GABBR2: variants seen among roughly 807,000 people sequenced by gnomAD.
The protein encoded by GABBR2 is gamma-aminobutyric acid type B receptor subunit 2, also known as G-protein coupled receptor 51.
In GABBR2, 23 loss-of-function variants were observed where a neutral mutation model predicts 105.6. The ratio of observed to expected loss-of-function variants is 0.22; its 90% CI spans 0.16 to 0.31. The LOEUF (loss-of-function observed/expected upper bound fraction) is 0.31. GABBR2 is among the 10% of genes least tolerant of loss of function. The pLI is 1.00. For synonymous variants in GABBR2, 478 were observed against 499.7 expected, an observed-to-expected ratio of 0.96 and a Z score of 0.58; for missense variants, 734 against 1,245.5, an observed-to-expected ratio of 0.59 and a Z score of 6.18.
intron 1 of GABBR2, among the ~76,000 whole-genome samples, chr9:98,672,204 A>C (rs1275205835): frequency 6.6e-6 from 1 of 151,722 alleles, no homozygotes; most frequent in African/African-American, 2.4e-5. Flanking sequence ...TAAAAAAACA[A>C]CTCCCTATTT....
chr9:98,620,776 C>T (rs1829659057), intron 1 of GABBR2, among the ~76,000 whole-genome samples: 1 of 152,120 alleles, frequency 6.6e-6, no homozygotes, highest in South Asian at 2.1e-4. Flanking sequence ...TATTATTGCT[C>T]CGGTGGAGGG....
intron 11 of GABBR2, among the ~76,000 whole-genome samples, chr9:98,381,672 T>C (rs1159382951): frequency 6.6e-6 from 1 of 152,182 alleles, no homozygotes; most frequent in Non-Finnish European, 1.5e-5. Context: ...GACTCCCCTT[T>C]GTAGAGCTTC....
intron 3 of GABBR2, among the ~76,000 whole-genome samples, chr9:98,525,191 C>CA (rs144064001): frequency 2.0e-5 from 3 of 151,794 alleles, no homozygotes; most frequent in Non-Finnish European, 4.4e-5. Context: ...AACTTTTGTG[C>CA]AAAAAAACAC....
intron 2 of GABBR2, chr9:98,555,997 T>TGGGAGACATGGAGGGGAAA (rs148471461): frequency 0.12 from 18,512 of 151,872 alleles, 1,470 homozygotes; most frequent in Non-Finnish European, 0.17. Flanking sequence ...TCTGTAGCCA[T>TGGGAGACATGGAGGGGAAA]GGGAGACATG....
At chr9:98,655,343 ATCT>A (rs978452337) in intron 1 of GABBR2, among the ~76,000 whole-genome samples, 54 of 152,224 alleles carry the variant, frequency 3.5e-4, no homozygotes, top group African/African-American at 1.7e-4. Flanking sequence ...AGATCTCTGT[ATCT>A]TCTTCTCAAT....
intron 18 of GABBR2, among the ~76,000 whole-genome samples, chr9:98,291,520 G>T (rs1453315137): frequency 6.6e-6 from 1 of 152,080 alleles, no homozygotes; most frequent in Non-Finnish European, 1.5e-5. Flanking sequence ...CTTCTTGCTG[G>T]GCCAATTCCC....
intron 13 of GABBR2, among the ~76,000 whole-genome samples, chr9:98,311,715 G>A (rs1047439183): frequency 3.9e-5 from 6 of 152,220 alleles, no homozygotes; most frequent in Non-Finnish European, 7.3e-5. Context: ...GAGCAGTGAT[G>A]GCAGCCAGGT....
At chr9:98,370,843 C>A (rs369522559) in intron 12 of GABBR2, among the ~76,000 whole-genome samples, 1 of 152,122 alleles carries the variant, frequency 6.6e-6, no homozygotes, top group Non-Finnish European at 1.5e-5. Context: ...CCAAACCGCA[C>A]GGGTGGCGAA....
intron 1 of GABBR2, among the ~76,000 whole-genome samples, chr9:98,644,615 G>T (rs1830007631): frequency 6.6e-6 from 1 of 152,208 alleles, no homozygotes; most frequent in South Asian, 2.1e-4. Context: ...GCTGAGGTGG[G>T]TGGATCACCT....
chr9:98,676,700 A>G (rs1564148830), intron 1 of GABBR2, among the ~76,000 whole-genome samples: 1 of 152,244 alleles, frequency 6.6e-6, no homozygotes, highest in East Asian at 1.9e-4. Context: ...TGGGACAACA[A>G]GAGTTAAGGA....
At chr9:98,591,199 G>A (rs1829140945) in intron 1 of GABBR2, among the ~76,000 whole-genome samples, 1 of 152,218 alleles carries the variant, frequency 6.6e-6, no homozygotes, top group African/African-American at 2.4e-5. Flanking sequence ...AGCCTTGCGA[G>A]AGGAACAAGA....
intron 2 of GABBR2, chr9:98,556,005 A>G (rs1226457468): frequency 3.3e-5 from 5 of 152,488 alleles, no homozygotes; most frequent in Admixed American, 2.6e-4. Flanking sequence ...CATGGGAGAC[A>G]TGGAGGGGAA....
chr9:98,702,685 A>C (rs116708002), intron 1 of GABBR2, among the ~76,000 whole-genome samples: 1 of 152,074 alleles, frequency 6.6e-6, no homozygotes, highest in East Asian at 1.9e-4. Context: ...CTGGTATCCA[A>C]TGTCCATTTC....
At chr9:98,600,537 A>G (rs902756150) in intron 1 of GABBR2, among the ~76,000 whole-genome samples, 18 of 152,260 alleles carry the variant, frequency 1.2e-4, no homozygotes, top group Non-Finnish European at 2.4e-4. Flanking sequence ...TGACTCTGAG[A>G]AACCTGCTTT....
At chr9:98,592,278 TC>T (rs1184817046) in intron 1 of GABBR2, among the ~76,000 whole-genome samples, 1 of 152,204 alleles carries the variant, frequency 6.6e-6, no homozygotes, top group Non-Finnish European at 1.5e-5. Context: ...ATCTCTCAGA[TC>T]CCTTCCAGCC....
At chr9:98,557,132 G>A (rs1329780334) in intron 2 of GABBR2, among the ~76,000 whole-genome samples, 3 of 152,088 alleles carry the variant, frequency 2.0e-5, no homozygotes, top group Non-Finnish European at 4.4e-5. Flanking sequence ...AAGATGAGGA[G>A]ATGAGGGTTA....
At chr9:98,382,213 T>G (rs1426935425) in intron 11 of GABBR2, among the ~76,000 whole-genome samples, 2 of 152,044 alleles carry the variant, frequency 1.3e-5, no homozygotes, top group South Asian at 4.2e-4. Flanking sequence ...CATGGCAGAA[T>G]GAGGGTAGGG....
intron 1 of GABBR2, among the ~76,000 whole-genome samples, chr9:98,697,629 C>T (rs1174956208): frequency 1.3e-5 from 2 of 152,188 alleles, no homozygotes; most frequent in African/African-American, 4.8e-5. Flanking sequence ...GTTTCTTTTT[C>T]TTCATCTACC....
chr9:98,568,273 G>C (rs142437714), intron 2 of GABBR2, among the ~76,000 whole-genome samples: 36 of 152,122 alleles, frequency 2.4e-4, no homozygotes, highest in Middle Eastern at 3.4e-3. Flanking sequence ...AATCAGACAT[G>C]TCCACTGTCT....
Sources: allele counts gnomAD v4.1 joint callset (sites outside exome capture counted in the v4.1 genomes callset), GRCh38; gene constraint gnomAD v4.1.1; transcripts MANE v1.5; gene names NCBI Gene and HGNC (gene_info 2026-07-23, HGNC 2026-07-21).